IPO5: variants seen among roughly 807,000 people sequenced by gnomAD.
The protein encoded by IPO5 is importin-5.
IPO5 carries 18 observed loss-of-function variants against 143.3 expected under a neutral mutation model. That is an observed-to-expected ratio of 0.13 (90% CI 0.09 to 0.19). The LOEUF (loss-of-function observed/expected upper bound fraction) is 0.19, where lower values mean the gene tolerates loss of function less well. IPO5 is among the 10% of genes least tolerant of loss of function. The pLI, the probability that IPO5 is intolerant of heterozygous loss-of-function variation, is 1.00. For missense variants in IPO5, 1,013 were observed against 1,336.9 expected, an observed-to-expected ratio of 0.76 and a Z score of 3.78; for synonymous variants, 477 against 465.7, an observed-to-expected ratio of 1.02 and a Z score of -0.31.
intron 22 of IPO5, among the ~76,000 whole-genome samples, chr13:98,015,242 T>TGTGTG (rs143336600): frequency 2.0e-5 from 3 of 147,830 alleles, no homozygotes; most frequent in African/African-American, 7.5e-5. Flanking sequence ...TAGGAGCTGG[T>TGTGTG]TGTGTGTGTG....
chr13:97,999,178 G>C (rs1888549582), intron 12 of IPO5, among the ~76,000 whole-genome samples: 2 of 152,124 alleles, frequency 1.3e-5, no homozygotes, highest in Admixed American at 1.3e-4. Flanking sequence ...TCTCCTGAAA[G>C]ACTTGGAGTC....
intron 12 of IPO5, among the ~76,000 whole-genome samples, chr13:97,999,317 T>C (rs1053180356): frequency 6.6e-6 from 1 of 152,226 alleles, no homozygotes; most frequent in Admixed American, 6.5e-5. Flanking sequence ...TCTTGAAGTA[T>C]ATGAAAGTAA....
At position 97,976,732 on chromosome 13, in the gene IPO5, C is replaced by T. The variant is rs1471347316; in HGVS notation, c.36C>T (p.Tyr12=). 13 of 1,415,168 alleles carry T rather than the reference C, an allele frequency of 9.2e-6. No homozygotes were observed. The highest frequency in any genetic ancestry group is 1.9e-4 in the Middle Eastern group (1 of 5,138). The allele number at this position is 1,415,168 out of a possible 1,614,324, so 87.7% of individuals were successfully genotyped here. A position where few individuals can be genotyped will look rare whatever the true frequency, so the allele number is the denominator to read the frequency against. Residue 12 remains tyrosine, a synonymous_variant, in exon 4 of 29, where the codon TAC becomes TAT. Coordinates refer to ENST00000651721, the MANE Select transcript of IPO5 (RefSeq NM_002271.6). ...AAAAAEQQQF[Y]LLLGNLLSPD... Reference sequence around the variant, plus strand: ...CCGCGGCGGAGCAGCAACAGTTCTACCTGCTCCTGGGAAACCTGCTCAGCC... The same window carrying T: ...CCGCGGCGGAGCAGCAACAGTTCTATCTGCTCCTGGGAAACCTGCTCAGCC...
At chr13:98,020,917 A>T in intron 27 of IPO5, 75 bp from the exon 28 acceptor site, 1 of 1,200,362 alleles carries the variant, frequency 8.3e-7, no homozygotes, top group Non-Finnish European at 1.2e-6. Flanking sequence ...TTAAAAGGCC[A>T]TTGATTTTAG....
intron 2 of IPO5, among the ~76,000 whole-genome samples, chr13:97,965,484 C>T (rs949405701): frequency 5.3e-5 from 8 of 152,084 alleles, no homozygotes; most frequent in Non-Finnish European, 8.8e-5. Flanking sequence ...CCAATCCATG[C>T]GTATAGACTG....
At position 97,997,904 on chromosome 13, in the gene IPO5, TACA is replaced by T. The variant is rs565343107; in HGVS notation, c.1001+294_1001+296del. Among the ~76,000 whole-genome samples the T allele has an allele frequency of 6.1e-3, 929 of 152,326 alleles. 11 individuals carry two copies. The highest frequency in any genetic ancestry group is 0.021 in the African/African-American group (878 of 41,590). The stretch of plus-strand genomic sequence containing the variant: ...TTATAATCAGGAACTGAAAGATACC[TACA>T]ACAACAAACAAGGAAGTTTTTCTTT... On this transcript the variant is annotated intron_variant, in intron 12 of 28. Coordinates refer to ENST00000651721, the MANE Select transcript of IPO5 (RefSeq NM_002271.6).
rs552129621 is a variant in IPO5 at position 98,010,046 on chromosome 13, A to G, written c.1933+33A>G. The G allele has an allele frequency of 6.8e-6, 11 of 1,613,666 alleles. No individual in the cohort carries two copies. In the East Asian group the frequency reaches 8.9e-5, roughly 13 times the overall value. On this transcript the variant is annotated intron_variant, in intron 19 of 28. Transcript: ENST00000651721. ...TCTTTAGAAGGAGCTATCGGTTATA[A>G]TAGTTCTCTCTTTGTTATTATTTTT...
intron 2 of IPO5, among the ~76,000 whole-genome samples, chr13:97,967,604 T>C (rs999915416): frequency 1.8e-4 from 28 of 152,254 alleles, no homozygotes; most frequent in African/African-American, 6.3e-4. Context: ...CTTATATTTT[T>C]GTTTTCATTC....
rs751731064 is a variant in IPO5 at position 98,002,975 on chromosome 13, A to T, written c.1435A>T (p.Ile479Phe). 6.2e-7 allele frequency: 1 copy of T among 1,614,028 alleles called. No homozygotes were observed. The highest frequency in any genetic ancestry group is 8.5e-7 in the Non-Finnish European group (1 of 1,179,836). Reference sequence around the variant, plus strand: ...TGAAGACTGTCCCAAGTCACTACTTATTCCATACTTGGATAATTTGGTGAA... The same window carrying T: ...TGAAGACTGTCCCAAGTCACTACTTTTTCCATACTTGGATAATTTGGTGAA... ...FTEDCPKSLL[I>F]PYLDNLVKHL... The change falls in exon 16 of 29, where the codon ATT becomes TTT. Residue 479 changes from isoleucine to phenylalanine, a missense_variant. Coordinates refer to ENST00000651721, the MANE Select transcript of IPO5 (RefSeq NM_002271.6).
chr13:97,997,526 T>G lies in IPO5; in HGVS notation c.914-5T>G, dbSNP rs1212720390. The G allele has an allele frequency of 6.4e-7, 1 of 1,564,470 alleles. No homozygotes were observed. Among genetic ancestry groups the G allele is most frequent in the Admixed American group, 1.7e-5 (1 of 59,400 alleles). On this transcript the variant is annotated splice_polypyrimidine_tract_variant and splice_region_variant and intron_variant, in intron 11 of 28. Coordinates refer to ENST00000651721, the MANE Select transcript of IPO5 (RefSeq NM_002271.6). Reference sequence around the variant, plus strand: ...CTTCGGGTATGAAATAATTGTTTACTTTAGTTCCTCAGATGTTAGCAATGA... The same window carrying G: ...CTTCGGGTATGAAATAATTGTTTACGTTAGTTCCTCAGATGTTAGCAATGA...
chr13:97,992,447 A>G (rs1477436953), intron 9 of IPO5, among the ~76,000 whole-genome samples: 6 of 152,346 alleles, frequency 3.9e-5, no homozygotes, highest in South Asian at 4.1e-4. Flanking sequence ...TGTGGTGGCC[A>G]CACATGTTGT....
intron 13 of IPO5, 177 bp from the exon 14 acceptor site, chr13:98,002,290 C>G (rs1274410866): frequency 4.4e-6 from 2 of 450,998 alleles, no homozygotes; most frequent in African/African-American, 4.1e-5. Flanking sequence ...GCTGGGATTA[C>G]AGGCGCGAGC....
chr13:97,984,169 G>T (rs796672903), intron 5 of IPO5, among the ~76,000 whole-genome samples: 1 of 150,158 alleles, frequency 6.7e-6, no homozygotes, highest in South Asian at 2.1e-4. Context: ...TAGTAGAGAC[G>T]GGGTTTCACC....
At chr13:98,003,580 T>G (rs1888972817) in intron 16 of IPO5, among the ~76,000 whole-genome samples, 1 of 152,146 alleles carries the variant, frequency 6.6e-6, no homozygotes, top group Non-Finnish European at 1.5e-5. Flanking sequence ...CCCGGCACGG[T>G]GGCTCATCCC....
chr13:97,998,449 C>T (rs1345540720), intron 12 of IPO5, among the ~76,000 whole-genome samples: 1 of 152,124 alleles, frequency 6.6e-6, no homozygotes, highest in East Asian at 1.9e-4. Context: ...AAATTCCCTG[C>T]AATACACATC....
At chr13:98,010,927 C>T (rs1889663367) in intron 20 of IPO5, among the ~76,000 whole-genome samples, 1 of 151,276 alleles carries the variant, frequency 6.6e-6, no homozygotes, top group Non-Finnish European at 1.5e-5. Context: ...ATTACAGGCG[C>T]CTGCCACCAC....
In IPO5 at chr13:97,976,132, G is replaced by A. The variant is rs12865488; in HGVS notation, c.-4-561G>A. ...AGGGGCCGGGGGTCGCTAGAAGGAG[G>A]CCGACCAGCCCGCGGCGCCGAAATC... On this transcript the variant is annotated intron_variant, in intron 3 of 28. Transcript: ENST00000651721. The A allele has an allele frequency of 1.2e-4, 24 of 195,576 alleles. No individual in the cohort carries two copies. In the East Asian group the frequency reaches 4.0e-3, roughly 32 times the overall value. The allele number at this position is 195,576 out of a possible 1,614,324, so 12.1% of individuals were successfully genotyped here. A position where few individuals can be genotyped will look rare whatever the true frequency, so the allele number is the denominator to read the frequency against.
chr13:98,002,369 T>C, intron 13 of IPO5, 98 bp from the exon 14 acceptor site: 10 of 1,226,546 alleles, frequency 8.2e-6, no homozygotes, highest in Non-Finnish European at 1.2e-5. Flanking sequence ...AAAGTTTTGT[T>C]ACTCTTTTCC....
intron 11 of IPO5, among the ~76,000 whole-genome samples, chr13:97,993,723 T>G (rs1368577761): frequency 6.6e-6 from 1 of 152,204 alleles, no homozygotes; most frequent in Non-Finnish European, 1.5e-5. Flanking sequence ...AAATACTACT[T>G]TAAGTTTCAT....
Sources: gnomAD v4.1 joint callset for allele counts (sites outside exome capture counted in the v4.1 genomes callset) on GRCh38, gnomAD v4.1.1 for gene constraint, MANE v1.5 for transcripts, NCBI Gene and HGNC (gene_info 2026-07-23, HGNC 2026-07-21) for gene names.